Variants in KAT6A observed in about 807,000 individuals in gnomAD.
KAT6A encodes the protein lysine acetyltransferase 6A.
A neutral mutation model predicts 198.4 loss-of-function variants in KAT6A; 9 were observed. The ratio of observed to expected loss-of-function variants is 0.05; its 90% CI spans 0.03 to 0.08. The LOEUF is 0.08. KAT6A is among the 10% of genes least tolerant of loss of function. KAT6A has a pLI of 1.00. For missense variants in KAT6A, 2,077 were observed against 2,509.9 expected, an observed-to-expected ratio of 0.83 and a Z score of 3.69; for synonymous variants, 890 against 883.0, an observed-to-expected ratio of 1.01 and a Z score of -0.14.
chr8:42,019,893 T>C (rs1826446322), intron 2 of KAT6A, among the ~76,000 whole-genome samples: 1 of 152,182 alleles, frequency 6.6e-6, no homozygotes, highest in Non-Finnish European at 1.5e-5. Flanking sequence ...GCAATAGACC[T>C]TAACCCTTTT....
intron 3 of KAT6A, among the ~76,000 whole-genome samples, chr8:41,986,366 TC>T (rs908661548): frequency 5.3e-5 from 8 of 152,152 alleles, no homozygotes; most frequent in Non-Finnish European, 8.8e-5. Context: ...CAACACTATT[TC>T]CCAATGTGAC....
chr8:41,933,237 C>CGGCTGT lies in KAT6A; in HGVS notation c.4977_4982dup (p.Gln1660_Pro1661dup). 1 of 1,550,158 alleles carries CGGCTGT rather than the reference C, an allele frequency of 6.5e-7. No individual in the cohort carries two copies. Among genetic ancestry groups the CGGCTGT allele is most frequent in the South Asian group, 1.2e-5 (1 of 85,096 alleles). ...GTGCTGGTTGTGGTTGTGGCGGCGGCGGCTGTGGCTGCTGTGGAGGCGGTG... is the reference window on the plus strand; with the variant it reads ...GTGCTGGTTGTGGTTGTGGCGGCGGCGGCTGTGGCTGTGGCTGCTGTGGAGGCGGTG... On this transcript the variant is annotated inframe_insertion, in exon 17 of 17. Transcript: ENST00000265713. This position sits in a 1 kb window ranked among gnomAD's most constrained non-coding sequence, Gnocchi z 6.2.
Position 41,941,184 on chromosome 8 carries a change from A to G in KAT6A, c.2697T>C (p.Tyr899=), listed in dbSNP as rs779195705. The G allele has an allele frequency of 2.7e-5, 44 of 1,613,950 alleles. No individual in the cohort carries two copies. Among genetic ancestry groups the G allele is most frequent in the Non-Finnish European group, 3.6e-5 (42 of 1,180,000 alleles). The change falls in exon 15 of 17, where the codon TAT becomes TAC. Residue 899 remains tyrosine, a synonymous_variant. Transcript: ENST00000265713. The part of the protein sequence containing the change: ...EETSSAPQEQ[Y]GECGEKSEAT... Reference sequence around the variant, plus strand: ...CTTCTGATTTCTCCCCACATTCTCCATATTGTTCCTGAGGAGCTGAAGACG... The same window carrying G: ...CTTCTGATTTCTCCCCACATTCTCCGTATTGTTCCTGAGGAGCTGAAGACG...
rs1587704658 is a variant in KAT6A, at chr8:41,931,701, C to G, written c.*504G>C. On this transcript the variant is annotated 3_prime_UTR_variant, in exon 17 of 17. Transcript: ENST00000265713. ...TTGGGTTGTTCTCCATGTCCCCATC[C>G]GAGTCTCCCCTAAGTGCCTCCTGCT... 5.3e-6 allele frequency: 1 copy of G among 190,274 alleles called. No homozygotes were observed. The highest frequency in any genetic ancestry group is 1.1e-5 in the Non-Finnish European group (1 of 90,646). 11.8% of individuals were successfully genotyped at this position (190,274 alleles called of 1,614,324 possible). A position where few individuals can be genotyped will look rare whatever the true frequency, so the allele number is the denominator to read the frequency against.
chr8:42,018,887 C>T (rs1456980510), intron 2 of KAT6A, among the ~76,000 whole-genome samples: 1 of 152,122 alleles, frequency 6.6e-6, no homozygotes, highest in African/African-American at 2.4e-5. Flanking sequence ...CACCACTGCA[C>T]TCCAGCCTGG....
intron 2 of KAT6A, among the ~76,000 whole-genome samples, chr8:42,011,659 G>C (rs1176656464): frequency 6.6e-6 from 1 of 152,032 alleles, no homozygotes; most frequent in East Asian, 1.9e-4. Flanking sequence ...AGAATCGCTT[G>C]AACCCAGGAA....
chr8:42,002,332 C>T (rs563226604), intron 2 of KAT6A, among the ~76,000 whole-genome samples: 11 of 152,264 alleles, frequency 7.2e-5, no homozygotes, highest in African/African-American at 2.6e-4. Flanking sequence ...TTTTTCTTTA[C>T]ATAGATTTAA....
chr8:41,958,541 C>G (rs1473101408), intron 8 of KAT6A, among the ~76,000 whole-genome samples: 1 of 152,174 alleles, frequency 6.6e-6, no homozygotes, highest in African/African-American at 2.4e-5. Flanking sequence ...AAAACGGGAA[C>G]TTGGTTTTCC....
intron 2 of KAT6A, among the ~76,000 whole-genome samples, chr8:42,013,287 C>T (rs1445763358): frequency 6.7e-6 from 1 of 148,908 alleles, no homozygotes; most frequent in African/African-American, 2.5e-5. Flanking sequence ...GATGGAGTCT[C>T]GCTCTGTTGC....
chr8:42,031,038 AG>A (rs1554698400), intron 2 of KAT6A, among the ~76,000 whole-genome samples: 1,845 of 113,396 alleles, frequency 0.016, 26 homozygotes, highest in Middle Eastern at 0.055. Context: ...AAAAAAAAAA[AG>A]GGGGGGGGGA....
intron 12 of KAT6A, among the ~76,000 whole-genome samples, chr8:41,946,023 CTG>C (rs1822366031): frequency 6.9e-6 from 1 of 145,834 alleles, no homozygotes; most frequent in African/African-American, 2.6e-5. Context: ...GAGCGAGACT[CTG>C]TCTCTCAAAA....
intron 2 of KAT6A, among the ~76,000 whole-genome samples, chr8:42,046,087 T>C (rs1802276957): frequency 6.6e-6 from 1 of 152,190 alleles, no homozygotes; most frequent in East Asian, 1.9e-4. Context: ...TCAGGGTCCC[T>C]TCCAAAAGTA....
At chr8:42,032,385 A>G (rs1457433645) in intron 2 of KAT6A, among the ~76,000 whole-genome samples, 1 of 152,166 alleles carries the variant, frequency 6.6e-6, no homozygotes, top group Non-Finnish European at 1.5e-5. Flanking sequence ...AAAATTCTTC[A>G]ATATCTGAAA....
At chr8:41,980,603 C>A (rs1188398484) in intron 5 of KAT6A, among the ~76,000 whole-genome samples, 3 of 152,020 alleles carry the variant, frequency 2.0e-5, no homozygotes, top group Non-Finnish European at 4.4e-5. Context: ...ATAAATGAAC[C>A]ACTTCACCAT....
intron 2 of KAT6A, among the ~76,000 whole-genome samples, chr8:42,040,176 G>A (rs772946052): frequency 2.6e-4 from 39 of 151,214 alleles, no homozygotes; most frequent in Non-Finnish European, 5.2e-4. Context: ...AAAAAAAAAA[G>A]TCCCTAACAC....
At chr8:41,956,926 T>G (rs1174479248) in intron 8 of KAT6A, 1 of 416,604 alleles carries the variant, frequency 2.4e-6, no homozygotes, top group Non-Finnish European at 4.8e-6. Flanking sequence ...TTTTCATCTA[T>G]CTTCACAACT....
intron 2 of KAT6A, among the ~76,000 whole-genome samples, chr8:42,038,287 A>G (rs1480005245): frequency 6.6e-6 from 1 of 152,240 alleles, no homozygotes; most frequent in Non-Finnish European, 1.5e-5. Flanking sequence ...AGCCAACAAC[A>G]TAAGAAAACC....
chr8:41,956,046 C>T (rs1822901936), intron 8 of KAT6A, among the ~76,000 whole-genome samples: 1 of 152,162 alleles, frequency 6.6e-6, no homozygotes, highest in Admixed American at 6.5e-5. Context: ...TCTGCCTTCT[C>T]TTTACAATGA....
intron 2 of KAT6A, among the ~76,000 whole-genome samples, chr8:41,989,377 C>T (rs775061706): frequency 1.3e-5 from 2 of 152,036 alleles, no homozygotes; most frequent in African/African-American, 4.8e-5. Flanking sequence ...GGCGTGGTGA[C>T]ATGCATCTGT....
Sources: allele counts gnomAD v4.1 joint callset (sites outside exome capture counted in the v4.1 genomes callset), GRCh38; gene constraint gnomAD v4.1.1; non-coding constraint Gnocchi (gnomAD v3.1); transcripts MANE v1.5; gene names NCBI Gene and HGNC (gene_info 2026-07-23, HGNC 2026-07-21).